The following ZNF618 variants were observed in gnomAD, a reference collection of about 807,000 sequenced individuals.
ZNF618 encodes neural precursor cell expressed, developmentally down-regulated 10.
A neutral mutation model predicts 103.0 loss-of-function variants in ZNF618; 34 were observed. The ratio of observed to expected loss-of-function variants is 0.33; its 90% confidence interval spans 0.25 to 0.44. ZNF618 has a LOEUF of 0.44. Ranked by LOEUF, ZNF618 falls within the 20% of genes least tolerant of loss-of-function variation. ZNF618 has a pLI of 1.00. For missense variants in ZNF618, 1,059 were observed against 1,295.4 expected, an observed-to-expected ratio of 0.82 and a Z score of 2.80; for synonymous variants, 551 against 542.2, an observed-to-expected ratio of 1.02 and a Z score of -0.23.
At chr9:114,032,425 C>T (rs1844163562) in intron 11 of ZNF618, among the ~76,000 whole-genome samples, 1 of 152,130 alleles carries the variant, frequency 6.6e-6, no homozygotes, top group Non-Finnish European at 1.5e-5. Context: ...GGCCCCCGTG[C>T]CTGGGCCTCC....
intron 1 of ZNF618, among the ~76,000 whole-genome samples, chr9:113,920,583 G>T (rs542322693): frequency 2.6e-5 from 4 of 151,924 alleles, no homozygotes; most frequent in African/African-American, 9.7e-5. Context: ...TTTATTTTTA[G>T]TAGAGACAGG....
chr9:113,891,329 G>T (rs1366477210), intron 1 of ZNF618, among the ~76,000 whole-genome samples: 1 of 152,170 alleles, frequency 6.6e-6, no homozygotes, highest in Non-Finnish European at 1.5e-5. Flanking sequence ...ATTAAAAAAT[G>T]GGCGAAGAAG....
At chr9:113,962,861 A>G (rs989368407) in intron 1 of ZNF618, among the ~76,000 whole-genome samples, 1 of 152,064 alleles carries the variant, frequency 6.6e-6, no homozygotes, top group African/African-American at 2.4e-5. Context: ...TATATGTTTT[A>G]CTTATTTATT....
At position 113,954,055 on chromosome 9, in the gene ZNF618, C is replaced by G. The variant is rs934073222; in HGVS notation, c.34-15062C>G. On this transcript the variant is annotated intron_variant, in intron 1 of 14. Coordinates refer to ENST00000374126, the MANE Select transcript of ZNF618 (RefSeq NM_001318042.2). ...GAATGTAGTTAAATGAAGCCTTTAG[C>G]AACAACTAGGACAAAGAGGTTCTGG... Among the ~76,000 whole-genome samples the G allele has an allele frequency of 5.3e-5, 8 of 152,248 alleles. No homozygotes were observed. The East Asian group carries it at 1.5e-3, about 29-fold the overall frequency.
chr9:114,041,404 A>G lies in ZNF618; in HGVS notation c.1246+5027A>G, dbSNP rs926287321. Among the ~76,000 whole-genome samples, 55 of 152,190 alleles carry G rather than the reference A, an allele frequency of 3.6e-4. 1 individual carries two copies. The highest frequency in any genetic ancestry group is 6.0e-4 in the Non-Finnish European group (41 of 68,038). On this transcript the variant is annotated intron_variant, in intron 13 of 14. Coordinates refer to ENST00000374126, the MANE Select transcript of ZNF618 (RefSeq NM_001318042.2). ...TGTTTTAGACATGAAGTCCTTGCCC[A>G]TGCCTATGTCCTGAATGGTATTGCC... is the stretch of plus-strand genomic sequence containing the variant.
At chr9:113,955,484 T>C (rs1836192552) in intron 1 of ZNF618, among the ~76,000 whole-genome samples, 1 of 152,144 alleles carries the variant, frequency 6.6e-6, no homozygotes, top group South Asian at 2.1e-4. Flanking sequence ...AGAGGAACTA[T>C]TTTGCGTATA....
intron 1 of ZNF618, among the ~76,000 whole-genome samples, chr9:113,921,546 C>T (rs1356340159): frequency 6.6e-6 from 1 of 152,224 alleles, no homozygotes. Flanking sequence ...GAAACACCCA[C>T]ATCTGAAGAT....
At chr9:113,968,111 G>A (rs1219394524) in intron 1 of ZNF618, among the ~76,000 whole-genome samples, 2 of 152,138 alleles carry the variant, frequency 1.3e-5, no homozygotes, top group African/African-American at 2.4e-5. Flanking sequence ...TAACTGATGA[G>A]GCAGCAGAAC....
chr9:114,049,846 C>T lies in ZNF618; in HGVS notation c.2544C>T (p.Pro848=), dbSNP rs370925936. Residue 848 remains proline (P), a synonymous_variant, in exon 15 of 15, where the codon CCC becomes CCT. Transcript: ENST00000374126. The part of the protein sequence containing the change: ...ESWAEEADFE[P]AAKKPRSAAV... ...GGGCCGAGGAGGCCGACTTCGAGCC[C>T]GCTGCCAAGAAGCCCCGCTCTGCTG... 7.2e-4 allele frequency: 1,170 copies of T among 1,613,924 alleles called. 2 individuals carry two copies. Among genetic ancestry groups the T allele is most frequent in the Non-Finnish European group, 8.2e-4 (967 of 1,179,894 alleles).
chr9:114,001,544 G>A (rs1011978629), intron 4 of ZNF618, among the ~76,000 whole-genome samples: 8 of 152,226 alleles, frequency 5.3e-5, no homozygotes, highest in Non-Finnish European at 1.0e-4. Flanking sequence ...AGGGACCCAG[G>A]TGTGTCTGAT....
intron 1 of ZNF618, among the ~76,000 whole-genome samples, chr9:113,886,355 A>G (rs570197873): frequency 9.6e-4 from 146 of 152,242 alleles, no homozygotes; most frequent in African/African-American, 3.3e-3. Flanking sequence ...GTCAGGTGAA[A>G]GTTTGCAGAG....
intron 1 of ZNF618, among the ~76,000 whole-genome samples, chr9:113,922,837 G>C (rs1194838020): frequency 6.6e-6 from 1 of 152,160 alleles, no homozygotes; most frequent in Non-Finnish European, 1.5e-5. Flanking sequence ...GATATGCACA[G>C]AACAACTTCT....
intron 1 of ZNF618, among the ~76,000 whole-genome samples, chr9:113,911,722 A>G (rs544674054): frequency 2.0e-5 from 3 of 152,106 alleles, no homozygotes; most frequent in Non-Finnish European, 2.9e-5. Context: ...CCTGTTTCCC[A>G]GTGTTATTGC....
intron 3 of ZNF618, among the ~76,000 whole-genome samples, chr9:113,992,411 A>T (rs1204992138): frequency 6.6e-6 from 1 of 152,098 alleles, no homozygotes; most frequent in Non-Finnish European, 1.5e-5. Flanking sequence ...TGTATGAAGG[A>T]GGGAAAGCTC....
At chr9:114,015,085 G>A (rs917131604) in intron 9 of ZNF618, among the ~76,000 whole-genome samples, 2 of 152,042 alleles carry the variant, frequency 1.3e-5, no homozygotes, top group African/African-American at 4.8e-5. Flanking sequence ...ATTTAATACA[G>A]TTGATGTAAT....
chr9:113,897,611 T>G (rs1830140575), intron 1 of ZNF618, among the ~76,000 whole-genome samples: 1 of 152,220 alleles, frequency 6.6e-6, no homozygotes, highest in African/African-American at 2.4e-5. Context: ...TCTCTATATA[T>G]CCATATACCC....
At chr9:114,004,268 A>G (rs919631390) in intron 6 of ZNF618, among the ~76,000 whole-genome samples, 1 of 152,040 alleles carries the variant, frequency 6.6e-6, no homozygotes, top group Non-Finnish European at 1.5e-5. Flanking sequence ...TCAGCTAGAC[A>G]CCTGCCACAG....
chr9:113,881,443 C>T (rs1412794400), intron 1 of ZNF618, among the ~76,000 whole-genome samples: 1 of 152,190 alleles, frequency 6.6e-6, no homozygotes, highest in African/African-American at 2.4e-5. Context: ...TTGATTTTAA[C>T]ATATTTAACT....
chr9:114,002,303 C>T (rs968893761), intron 5 of ZNF618, among the ~76,000 whole-genome samples: 6 of 152,176 alleles, frequency 3.9e-5, no homozygotes, highest in South Asian at 2.1e-4. Context: ...ACCAGACCTG[C>T]GCCCAAGGGC....
Sources: allele counts gnomAD v4.1 joint callset (sites outside exome capture counted in the v4.1 genomes callset), GRCh38; gene constraint gnomAD v4.1.1; transcripts MANE v1.5; gene names NCBI Gene and HGNC (gene_info 2026-07-23, HGNC 2026-07-21).